Variants in NSD1 observed in about 807,000 individuals in gnomAD.
NSD1 encodes nuclear receptor binding SET domain protein 1.
A neutral mutation model predicts 242.7 loss-of-function variants in NSD1; 26 were observed. That is an observed-to-expected ratio of 0.11 (90% confidence interval 0.08 to 0.15). The LOEUF is 0.15. Ranked by LOEUF, NSD1 falls within the 10% of genes least tolerant of loss-of-function variation. The pLI, the probability that NSD1 is intolerant of heterozygous loss-of-function variation, is 1.00. For missense variants in NSD1, 2,495 were observed against 3,272.8 expected, an observed-to-expected ratio of 0.76 and a Z score of 5.80; for synonymous variants, 1,106 against 1,178.1, an observed-to-expected ratio of 0.94 and a Z score of 1.25.
intron 20 of NSD1, among the ~76,000 whole-genome samples, chr5:177,287,600 T>TA (rs1759439716): frequency 6.6e-6 from 1 of 151,948 alleles, no homozygotes; most frequent in African/African-American, 2.4e-5. Flanking sequence ...CTCACCACCT[T>TA]ACTCCAGCCT....
chr5:177,237,443 A>G (rs553790121), intron 6 of NSD1, among the ~76,000 whole-genome samples: 16 of 151,582 alleles, frequency 1.1e-4, no homozygotes, highest in African/African-American at 3.9e-4. Flanking sequence ...TGGACTTATC[A>G]ATATTATAGC....
chr5:177,254,661 A>T (rs1303986640), intron 12 of NSD1, among the ~76,000 whole-genome samples: 1 of 151,722 alleles, frequency 6.6e-6, no homozygotes, highest in African/African-American at 2.4e-5. Flanking sequence ...TGGCCTCCCA[A>T]ACTCCCAAAG....
At position 177,210,292 on chromosome 5, in the gene NSD1, G is replaced by A; in HGVS notation, c.1893G>A (p.Lys631=). 1 of 1,610,752 alleles carries A rather than the reference G, an allele frequency of 6.2e-7. No individual in the cohort carries two copies. The highest frequency in any genetic ancestry group is 1.1e-5 in the South Asian group (1 of 90,766). Residue 631 remains lysine, a synonymous_variant, in exon 5 of 23, where the codon AAG becomes AAA. Transcript: ENST00000439151. ...ATATTGGAGCAGGTGATGAGGAAAAGCGAAGTGATTCCATTAGTATCTGTA... is the reference window on the plus strand; with the variant it reads ...ATATTGGAGCAGGTGATGAGGAAAAACGAAGTGATTCCATTAGTATCTGTA... ...LCYIGAGDEE[K]RSDSISICTT...
chr5:177,192,727 C>T (rs1462458553), intron 3 of NSD1, among the ~76,000 whole-genome samples: 1 of 152,120 alleles, frequency 6.6e-6, no homozygotes, highest in Admixed American at 6.6e-5. Context: ...GACGGGGTTT[C>T]ACCATGTTGG....
intron 2 of NSD1, among the ~76,000 whole-genome samples, chr5:177,151,054 G>A (rs2149776654): frequency 6.6e-6 from 1 of 152,274 alleles, no homozygotes; most frequent in South Asian, 2.1e-4. Context: ...AGTATATTGA[G>A]GAACAGCACT....
At position 177,282,528 on chromosome 5, in the gene NSD1, C is replaced by G. The variant is rs777258117; in HGVS notation, c.5956C>G (p.Arg1986Gly). ...TGAAGAAGAATGCAGAGCTCGAATT[C>G]GCTATGCTCAAGAACATGATATCAC... Reference protein sequence around the residue: ...IDEEECRARIRYAQEHDITNF... With the variant: ...IDEEECRARIGYAQEHDITNF... Residue 1986 changes from arginine (R) to glycine (G), a missense_variant, in exon 19 of 23, where the codon CGC (arginine) becomes GGC (glycine). Physicochemically the swap from Arg to Gly is moderately radical, Grantham distance 125 (BLOSUM62 -2). Coordinates refer to ENST00000439151, the MANE Select transcript of NSD1 (RefSeq NM_022455.5). 1 of 1,613,852 alleles carries G rather than the reference C, an allele frequency of 6.2e-7. No homozygotes were observed. Among genetic ancestry groups the G allele is most frequent in the Non-Finnish European group, 8.5e-7 (1 of 1,179,824 alleles).
chr5:177,196,790 TGAAAAA>T (rs1459893306), intron 3 of NSD1, among the ~76,000 whole-genome samples: 1 of 151,894 alleles, frequency 6.6e-6, no homozygotes, highest in Non-Finnish European at 1.5e-5. Context: ...AAAAGAATGA[TGAAAAA>T]GAATCAGATG....
chr5:177,177,057 A>G (rs1423381414), intron 2 of NSD1, among the ~76,000 whole-genome samples: 1 of 152,220 alleles, frequency 6.6e-6, no homozygotes, highest in South Asian at 2.1e-4. Flanking sequence ...TTTATTAATT[A>G]TGTGCTATGC....
chr5:177,270,767 G>A (rs576358207), intron 16 of NSD1, among the ~76,000 whole-genome samples: 2 of 152,312 alleles, frequency 1.3e-5, no homozygotes, highest in Admixed American at 6.5e-5. Flanking sequence ...GTTAGGGAAT[G>A]GGAGTAATGT....
At chr5:177,223,778 T>C (rs191884664) in intron 5 of NSD1, among the ~76,000 whole-genome samples, 37 of 151,996 alleles carry the variant, frequency 2.4e-4, no homozygotes, top group African/African-American at 8.7e-4. Context: ...AGATCAGGAG[T>C]TCTAGACCAT....
intron 2 of NSD1, among the ~76,000 whole-genome samples, chr5:177,184,045 A>T (rs1405317834): frequency 6.6e-6 from 1 of 152,160 alleles, no homozygotes; most frequent in East Asian, 1.9e-4. Flanking sequence ...TCTGTTGAAC[A>T]CTTAGGTTAT....
intron 2 of NSD1, among the ~76,000 whole-genome samples, chr5:177,170,008 C>T (rs1460530143): frequency 1.3e-5 from 2 of 152,102 alleles, no homozygotes; most frequent in Admixed American, 6.6e-5. Context: ...CTTGCTCTGT[C>T]GCCCAGGCTG....
chr5:177,188,441 A>C (rs947725672), intron 2 of NSD1, among the ~76,000 whole-genome samples: 2 of 152,168 alleles, frequency 1.3e-5, no homozygotes, highest in African/African-American at 2.4e-5. Context: ...TTATTTGGTC[A>C]TGTAAATTTT....
intron 5 of NSD1, among the ~76,000 whole-genome samples, chr5:177,231,779 T>G (rs1765078181): frequency 6.6e-6 from 1 of 152,180 alleles, no homozygotes; most frequent in African/African-American, 2.4e-5. Flanking sequence ...TTCAATTTTT[T>G]CTTTTCTTTT....
At chr5:177,198,349 A>G (rs565144023) in intron 3 of NSD1, among the ~76,000 whole-genome samples, 1 of 152,258 alleles carries the variant, frequency 6.6e-6, no homozygotes, top group Non-Finnish European at 1.5e-5. Context: ...CTCTAGAGAC[A>G]GGGAAGTTTC....
At chr5:177,225,115 C>G (rs1371035659) in intron 5 of NSD1, among the ~76,000 whole-genome samples, 2 of 151,952 alleles carry the variant, frequency 1.3e-5, no homozygotes, top group Non-Finnish European at 2.9e-5. Flanking sequence ...TTGTGTGATA[C>G]CTTTTGTCTA....
In NSD1 at chr5:177,217,809, A is replaced by G. The variant is rs928708643; in HGVS notation, c.3796+5614A>G. 3.3e-5 allele frequency among the ~76,000 whole-genome samples: 5 copies of G among 151,696 alleles called. No individual in the cohort carries two copies. In the East Asian group the frequency reaches 9.7e-4, roughly 29 times the overall value. On this transcript the variant is annotated intron_variant, in intron 5 of 22. Coordinates refer to ENST00000439151, the MANE Select transcript of NSD1 (RefSeq NM_022455.5). ...CAGGCTCCTGAGTAGATGGGATTAC[A>G]GGCGCCTGACACCACGCCCGGCTAA... is the stretch of plus-strand genomic sequence containing the variant.
chr5:177,200,698 T>C (rs1581278489), intron 3 of NSD1, among the ~76,000 whole-genome samples: 1 of 152,346 alleles, frequency 6.6e-6, no homozygotes. Flanking sequence ...TAATGTCTTC[T>C]AAGTTCATCA....
At chr5:177,227,998 A>T (rs1764766184) in intron 5 of NSD1, among the ~76,000 whole-genome samples, 1 of 149,438 alleles carries the variant, frequency 6.7e-6, no homozygotes, top group African/African-American at 2.5e-5. Context: ...TTTTTGGAAG[A>T]TTCATCCTGT....
Sources: allele counts gnomAD v4.1 joint callset (sites outside exome capture counted in the v4.1 genomes callset), GRCh38; gene constraint gnomAD v4.1.1; transcripts MANE v1.5; gene names NCBI Gene and HGNC (gene_info 2026-07-23, HGNC 2026-07-21).